The following SLC25A48 variants were observed in gnomAD, a reference collection of about 807,000 sequenced individuals.
SLC25A48 encodes solute carrier family 25 member 48, also known as CTC-321K16.1.
SLC25A48 carries 29 observed loss-of-function variants against 32.2 expected under a neutral mutation model. That is an observed-to-expected ratio of 0.90 (90% confidence interval 0.67 to 1.23). The LOEUF (loss-of-function observed/expected upper bound fraction) is 1.23. SLC25A48 is among the 50% of genes most tolerant of loss of function. The pLI is 0.00. For synonymous variants in SLC25A48, 164 were observed against 172.3 expected (o/e 0.95, Z 0.38); for missense variants, 399 against 422.7 (o/e 0.94, Z 0.49).
intron 1 of SLC25A48, among the ~76,000 whole-genome samples, chr5:135,595,875 C>T (rs1414796820): frequency 6.6e-6 from 1 of 152,204 alleles, no homozygotes; most frequent in East Asian, 1.9e-4. Flanking sequence ...CATCTATTCA[C>T]ACACGCATCA....
At chr5:135,654,954 C>T (rs1361540971) in intron 3 of SLC25A48, among the ~76,000 whole-genome samples, 1 of 152,190 alleles carries the variant, frequency 6.6e-6, no homozygotes, top group East Asian at 1.9e-4. Context: ...TAAATATTTC[C>T]TGTATTGAAA....
At chr5:135,727,238 G>T (rs1755112297) in intron 3 of SLC25A48, among the ~76,000 whole-genome samples, 1 of 149,130 alleles carries the variant, frequency 6.7e-6, no homozygotes, top group Non-Finnish European at 1.5e-5. Flanking sequence ...AGATATATAT[G>T]TATGTGTGAT....
At chr5:135,640,907 A>G (rs1000177466) in intron 3 of SLC25A48, among the ~76,000 whole-genome samples, 2 of 152,214 alleles carry the variant, frequency 1.3e-5, no homozygotes, top group African/African-American at 4.8e-5. Context: ...ATCATTCAAG[A>G]CTGAACATTT....
At chr5:135,833,912 C>G, upstream of SLC25A48, among the ~76,000 whole-genome samples, 1 of 152,182 alleles carries the variant, frequency 6.6e-6, no homozygotes, top group East Asian at 1.9e-4. Context: ...GCAGGCCCAG[C>G]AGAGGCCCCT....
rs373298290 is a variant in SLC25A48, at chr5:135,871,732, C to T, written c.679+14C>T. On this transcript the variant is annotated intron_variant, in intron 5 of 7. Transcript: ENST00000681962. ...GCGGCATGGCAGGTAAGGGCAGCAG[C>T]AGCTGGAGCCGCACCCCTGTGCAGG... 1.9e-6 allele frequency: 3 copies of T among 1,611,668 alleles called. No homozygotes were observed. The highest frequency in any genetic ancestry group is 1.3e-5 in the African/African-American group (1 of 74,904).
intron 3 of SLC25A48, among the ~76,000 whole-genome samples, chr5:135,638,292 C>A (rs1752752563): frequency 6.6e-6 from 1 of 152,064 alleles, no homozygotes; most frequent in Admixed American, 6.5e-5. Flanking sequence ...GGAGAAATAA[C>A]CGAAATTCTG....
rs11958906 is a variant in SLC25A48 at position 135,798,958 on chromosome 5, C to G, written c.-520-13565C>G. On this transcript the variant is annotated intron_variant, in intron 3 of 10. Coordinates refer to the SLC25A48 transcript ENST00000646290. ...GCAATAAGATATTGTTTCTAATATC[C>G]GGGGGGGAGAGGAAGATACAACTTC... Among the ~76,000 whole-genome samples, 1,323 of 150,832 alleles carry G rather than the reference C, an allele frequency of 8.8e-3. 12 individuals carry two copies. Among genetic ancestry groups the G allele is most frequent in the Non-Finnish European group, 0.013 (881 of 67,670 alleles).
intron 3 of SLC25A48, among the ~76,000 whole-genome samples, chr5:135,747,148 G>C (rs1220918537): frequency 6.6e-6 from 1 of 151,802 alleles, no homozygotes. Flanking sequence ...AGTATTCTCT[G>C]GGGTGATGCA....
At chr5:135,884,580 A>C (rs951484984) in intron 7 of SLC25A48, among the ~76,000 whole-genome samples, 13 of 147,526 alleles carry the variant, frequency 8.8e-5, no homozygotes, top group African/African-American at 3.2e-4. Context: ...GGCTCTATTG[A>C]TGGGAGAGAC....
chr5:135,638,619 CA>C (rs1403104460), intron 3 of SLC25A48, among the ~76,000 whole-genome samples: 1 of 152,112 alleles, frequency 6.6e-6, no homozygotes, highest in Non-Finnish European at 1.5e-5. Flanking sequence ...AGAGAAATAC[CA>C]AATCCCCAGG....
intron 3 of SLC25A48, among the ~76,000 whole-genome samples, chr5:135,733,495 C>A (rs1755281420): frequency 6.6e-6 from 1 of 152,088 alleles, no homozygotes; most frequent in Non-Finnish European, 1.5e-5. Context: ...AAAGTATATG[C>A]ATCAGGTGGG....
chr5:135,852,834 G>A lies in SLC25A48; in HGVS notation c.421+13G>A. The A allele has an allele frequency of 6.3e-7, 1 of 1,594,552 alleles. No homozygotes were observed. The highest frequency in any genetic ancestry group is 8.6e-7 in the Non-Finnish European group (1 of 1,164,370). ...CCGTTTCGGGACGGTAAGAGGCCAG[G>A]GGAGCGGAGGCTGGTGTCTGGGACT... On this transcript the variant is annotated intron_variant, in intron 4 of 7. Transcript: ENST00000681962.
At chr5:135,583,307 A>G (rs544549099) in intron 1 of SLC25A48, among the ~76,000 whole-genome samples, 1 of 152,060 alleles carries the variant, frequency 6.6e-6, no homozygotes, top group South Asian at 2.1e-4. Flanking sequence ...GGAGGTGGTG[A>G]TAACAGGAGT....
intron 3 of SLC25A48, among the ~76,000 whole-genome samples, chr5:135,719,131 A>G (rs1754886246): frequency 1.3e-5 from 2 of 152,234 alleles, no homozygotes; most frequent in African/African-American, 4.8e-5. Context: ...GTGCATGTGA[A>G]TCTGCAATTA....
At chr5:135,655,939 A>G (rs1753235762) in intron 3 of SLC25A48, among the ~76,000 whole-genome samples, 1 of 152,132 alleles carries the variant, frequency 6.6e-6, no homozygotes, top group South Asian at 2.1e-4. Flanking sequence ...CTCCAGGTTC[A>G]TCATTATTCC....
chr5:135,789,684 C>A (rs1756970462), intron 3 of SLC25A48, among the ~76,000 whole-genome samples: 1 of 151,126 alleles, frequency 6.6e-6, no homozygotes, highest in Admixed American at 6.6e-5. Flanking sequence ...ACTATTACTC[C>A]CCATGTGGCA....
intron 1 of SLC25A48, among the ~76,000 whole-genome samples, chr5:135,584,673 T>C (rs1751320953): frequency 6.6e-6 from 1 of 152,170 alleles, no homozygotes; most frequent in Non-Finnish European, 1.5e-5. Flanking sequence ...AATGGAGAAA[T>C]ACCACATGCA....
chr5:135,593,691 A>T (rs899927180), intron 1 of SLC25A48, among the ~76,000 whole-genome samples: 1 of 152,206 alleles, frequency 6.6e-6, no homozygotes, highest in African/African-American at 2.4e-5. Flanking sequence ...TTTGAGGAGT[A>T]GTCCCTACTC....
chr5:135,692,297 T>A (rs1754164521), intron 3 of SLC25A48, among the ~76,000 whole-genome samples: 1 of 132,648 alleles, frequency 7.5e-6, no homozygotes, highest in Non-Finnish European at 1.6e-5. Flanking sequence ...CCAGCCTGAG[T>A]GACAGAGCAA....
Sources: gnomAD v4.1 joint callset for allele counts (sites outside exome capture counted in the v4.1 genomes callset) on GRCh38, gnomAD v4.1.1 for gene constraint, MANE v1.5 for transcripts, NCBI Gene and HGNC (gene_info 2026-07-23, HGNC 2026-07-21) for gene names.